CLMN: variants seen among roughly 807,000 people sequenced by gnomAD.
The protein encoded by CLMN is calmin (calponin-like, transmembrane).
A neutral mutation model predicts 92.7 loss-of-function variants in CLMN; 57 were observed. The ratio of observed to expected loss-of-function variants is 0.61; its 90% CI spans 0.50 to 0.77. CLMN has a LOEUF of 0.77. Ranked by LOEUF, CLMN falls within the 30% of genes least tolerant of loss-of-function variation. The pLI is 0.00. For synonymous variants in CLMN, 466 were observed against 470.6 expected, an observed-to-expected ratio of 0.99 and a Z score of 0.13; for missense variants, 1,158 against 1,237.5, an observed-to-expected ratio of 0.94 and a Z score of 0.96.
In CLMN at chr14:95,235,839, G is replaced by A. The variant is rs187738514; in HGVS notation, c.83-5706C>T. 8.0e-3 allele frequency among the ~76,000 whole-genome samples: 1,220 copies of A among 152,274 alleles called. 25 individuals are homozygous for A. Among genetic ancestry groups the A allele is most frequent in the African/African-American group, 0.028 (1,155 of 41,534 alleles). On this transcript the variant is annotated intron_variant, in intron 1 of 12. Coordinates refer to ENST00000298912, the MANE Select transcript of CLMN (RefSeq NM_024734.4). ...GGGAGGGAGACAAAGGGGGTGAGAC[G>A]TGGCTTCATCTCTACACGCGCTCGC...
intron 5 of CLMN, among the ~76,000 whole-genome samples, chr14:95,213,943 C>T (rs945792239): frequency 6.6e-6 from 1 of 152,112 alleles, no homozygotes; most frequent in Non-Finnish European, 1.5e-5. Flanking sequence ...CAGTAGGTTA[C>T]GTCTAACTTA....
At chr14:95,269,314 G>A (rs1374786545) in intron 1 of CLMN, among the ~76,000 whole-genome samples, 1 of 152,112 alleles carries the variant, frequency 6.6e-6, no homozygotes. Context: ...ATATATGAAT[G>A]TATTAAACAA....
intron 8 of CLMN, among the ~76,000 whole-genome samples, chr14:95,209,164 G>A (rs1369300583): frequency 1.3e-5 from 2 of 152,258 alleles, no homozygotes; most frequent in East Asian, 1.9e-4. Flanking sequence ...GGTACTATCC[G>A]AAGTTTCAAG....
At chr14:95,228,816 G>C (rs1266203824) in intron 2 of CLMN, among the ~76,000 whole-genome samples, 1 of 152,052 alleles carries the variant, frequency 6.6e-6, no homozygotes, top group Non-Finnish European at 1.5e-5. Flanking sequence ...CTGGGACTAC[G>C]GGCATGAGCC....
chr14:95,228,137 G>A (rs998963734), intron 2 of CLMN, among the ~76,000 whole-genome samples: 1 of 152,034 alleles, frequency 6.6e-6, no homozygotes, highest in Admixed American at 6.6e-5. Context: ...GTGACCCTCT[G>A]TACTTTTCTG....
Position 95,196,696 on chromosome 14 carries a change from T to C in CLMN, c.2512-2A>G. 4 of 1,611,704 alleles carry C rather than the reference T, an allele frequency of 2.5e-6. No individual in the cohort carries two copies. The highest frequency in any genetic ancestry group is 1.3e-5 in the African/African-American group (1 of 74,752). ...TTCCAGGTTTGGGGATTCCTGGGAC[T>C]GAAAGACAGAACAACCAAATCCAAG... is the stretch of plus-strand genomic sequence containing the variant. On this transcript the variant is annotated splice_acceptor_variant, in intron 9 of 12. Coordinates refer to ENST00000298912, the MANE Select transcript of CLMN (RefSeq NM_024734.4). LOFTEE classifies it high-confidence loss of function.
intron 1 of CLMN, among the ~76,000 whole-genome samples, chr14:95,234,432 A>G (rs1897986667): frequency 1.3e-5 from 2 of 152,266 alleles, no homozygotes; most frequent in African/African-American, 4.8e-5. Flanking sequence ...CATAAACTTT[A>G]TACAGTTTCC....
intron 1 of CLMN, among the ~76,000 whole-genome samples, chr14:95,276,507 C>T (rs941365670): frequency 3.9e-5 from 6 of 152,136 alleles, no homozygotes; most frequent in African/African-American, 9.7e-5. Flanking sequence ...TAGGGACTGA[C>T]GAGTGGCTGG....
intron 1 of CLMN, among the ~76,000 whole-genome samples, chr14:95,274,799 T>C (rs1899859379): frequency 6.6e-6 from 1 of 151,966 alleles, no homozygotes; most frequent in Non-Finnish European, 1.5e-5. Context: ...GCCAACAAGG[T>C]GAAACCCTGT....
chr14:95,271,177 C>T (rs1210305910), intron 1 of CLMN, among the ~76,000 whole-genome samples: 1 of 152,176 alleles, frequency 6.6e-6, no homozygotes, highest in Non-Finnish European at 1.5e-5. Context: ...TACGGAGATG[C>T]AAGAGTTCTT....
chr14:95,192,658 A>C (rs1896589107), intron 12 of CLMN: 1 of 152,340 alleles, frequency 6.6e-6, no homozygotes, highest in Admixed American at 6.5e-5. Context: ...CTGTCCACAG[A>C]AACAAGTTAA....
chr14:95,237,310 AC>A (rs1034328312), intron 1 of CLMN, among the ~76,000 whole-genome samples: 2 of 152,178 alleles, frequency 1.3e-5, no homozygotes, highest in African/African-American at 4.8e-5. Context: ...AGACAAGTAG[AC>A]CCGGCACCTG....
chr14:95,246,080 T>G (rs10149382), intron 1 of CLMN, among the ~76,000 whole-genome samples: 35,282 of 152,154 alleles, frequency 0.23, 5,324 homozygotes, highest in African/African-American at 0.43. Context: ...TAATACTAAA[T>G]AAGCTGCTGC....
intron 1 of CLMN, among the ~76,000 whole-genome samples, chr14:95,315,034 A>G (rs1288367143): frequency 1.3e-5 from 2 of 152,158 alleles, no homozygotes; most frequent in Non-Finnish European, 2.9e-5. Flanking sequence ...TGGCTGCTGG[A>G]TAACGGTGAC....
intron 1 of CLMN, among the ~76,000 whole-genome samples, chr14:95,298,735 G>A (rs1484883127): frequency 1.3e-5 from 2 of 152,176 alleles, no homozygotes; most frequent in Non-Finnish European, 2.9e-5. Context: ...AGACAGAAGT[G>A]ACCGTGAAAT....
chr14:95,294,743 T>C lies in CLMN; in HGVS notation c.82+24968A>G, dbSNP rs1326414879. Among the ~76,000 whole-genome samples the C allele has an allele frequency of 6.6e-6, 1 of 152,236 alleles. No homozygotes were observed. The highest frequency in any genetic ancestry group is 1.5e-5 in the Non-Finnish European group (1 of 68,042). The stretch of plus-strand genomic sequence containing the variant: ...GCAGGTCCTCCACAGGTTGTGTCAC[T>C]GGGCACCTGGTCTTCTGGCTACTCA... On this transcript the variant is annotated intron_variant, in intron 1 of 12. Transcript: ENST00000298912. This position sits in a 1 kb window ranked among gnomAD's most constrained non-coding sequence, Gnocchi z 4.2.
chr14:95,256,705 C>T lies in CLMN; in HGVS notation c.83-26572G>A, dbSNP rs754339661. On this transcript the variant is annotated intron_variant, in intron 1 of 12. Transcript: ENST00000298912. This position sits in a 1 kb window ranked among gnomAD's most constrained non-coding sequence, Gnocchi z 4.9. ...CATTTCAAAACGAAACTGAACATGG[C>T]GTGTGTCTAGGCTGGGATGGGAGAG... is the stretch of plus-strand genomic sequence containing the variant. Among the ~76,000 whole-genome samples the T allele has an allele frequency of 1.3e-5, 2 of 152,138 alleles. No homozygotes were observed. The highest frequency in any genetic ancestry group is 2.9e-5 in the Non-Finnish European group (2 of 68,030).
chr14:95,295,396 G>A (rs1297866866), intron 1 of CLMN, among the ~76,000 whole-genome samples: 1 of 152,220 alleles, frequency 6.6e-6, no homozygotes, highest in Non-Finnish European at 1.5e-5. Flanking sequence ...GAACAGAGAG[G>A]TGAGTAAGAC....
At chr14:95,225,972 G>C (rs897180326) in intron 2 of CLMN, among the ~76,000 whole-genome samples, 5 of 152,198 alleles carry the variant, frequency 3.3e-5, no homozygotes, top group African/African-American at 1.2e-4. Flanking sequence ...CCAGTGTGAG[G>C]ATTTGCAAAC....
Sources: allele counts gnomAD v4.1 joint callset (sites outside exome capture counted in the v4.1 genomes callset), GRCh38; gene constraint gnomAD v4.1.1; non-coding constraint Gnocchi (gnomAD v3.1); transcripts MANE v1.5; gene names NCBI Gene and HGNC (gene_info 2026-07-23, HGNC 2026-07-21).